VEPH1: variants seen among roughly 807,000 people sequenced by gnomAD.
The protein encoded by VEPH1 is ventricular zone expressed PH domain containing 1.
VEPH1 carries 80 observed loss-of-function variants against 85.2 expected under a neutral mutation model. The observed-to-expected ratio is 0.94, with a 90% CI of 0.78 to 1.13. The LOEUF is 1.13. Ranked by LOEUF, VEPH1 falls within the 50% of genes most tolerant of loss-of-function variation. The pLI, the probability that VEPH1 is intolerant of heterozygous loss-of-function variation, is 0.00. For synonymous variants in VEPH1, 297 were observed against 348.0 expected, an observed-to-expected ratio of 0.85 and a Z score of 1.63; for missense variants, 955 against 980.5, an observed-to-expected ratio of 0.97 and a Z score of 0.35.
intron 2 of VEPH1, among the ~76,000 whole-genome samples, chr3:157,480,725 T>C (rs573178818): frequency 1.3e-5 from 2 of 152,300 alleles, no homozygotes; most frequent in East Asian, 3.9e-4. Flanking sequence ...TGATTCCATG[T>C]CTTTGCTATT....
chr3:157,473,019 AT>A (rs1188680835), intron 2 of VEPH1, among the ~76,000 whole-genome samples: 1 of 122,252 alleles, frequency 8.2e-6, no homozygotes, highest in Non-Finnish European at 1.8e-5. Flanking sequence ...TTAACAAAAT[AT>A]TTTTTCTCAT....
At chr3:157,301,883 C>G (rs973930120) in intron 11 of VEPH1, among the ~76,000 whole-genome samples, 2 of 152,124 alleles carry the variant, frequency 1.3e-5, no homozygotes, top group African/African-American at 4.8e-5. Flanking sequence ...ATCTATATTC[C>G]TGGCCTAAGT....
At chr3:157,489,785 C>G (rs1306140753) in intron 2 of VEPH1, among the ~76,000 whole-genome samples, 4 of 151,462 alleles carry the variant, frequency 2.6e-5, no homozygotes, top group African/African-American at 7.3e-5. Flanking sequence ...TAGTAGACAA[C>G]TAATAAATAT....
chr3:157,494,119 A>G (rs1349385703), intron 2 of VEPH1, among the ~76,000 whole-genome samples: 2 of 152,196 alleles, frequency 1.3e-5, no homozygotes, highest in Admixed American at 1.3e-4. Flanking sequence ...TTGAGCAGTG[A>G]CTTCATTGGT....
Position 157,322,113 on chromosome 3 carries a change from T to C in VEPH1, c.1736-4912A>G, listed in dbSNP as rs1165801728. Among the ~76,000 whole-genome samples the C allele has an allele frequency of 2.0e-5, 3 of 152,134 alleles. No homozygotes were observed. The East Asian group carries it at 5.8e-4, about 29-fold the overall frequency. ...ATACCCATTAAACCGTAACTCCCCA[T>C]CTTCCTCTCCCCTGAGCCCCTGGCA... On this transcript the variant is annotated intron_variant, in intron 9 of 13. Transcript: ENST00000362010.
chr3:157,379,916 T>G (rs1362511517), intron 7 of VEPH1, among the ~76,000 whole-genome samples: 1 of 152,210 alleles, frequency 6.6e-6, no homozygotes, highest in Non-Finnish European at 1.5e-5. Context: ...CATCTGCCCT[T>G]CTTGCCTTGT....
chr3:157,431,840 A>G (rs1733183354), intron 4 of VEPH1, among the ~76,000 whole-genome samples: 2 of 149,688 alleles, frequency 1.3e-5, no homozygotes, highest in Non-Finnish European at 3.0e-5. Context: ...CAAATTATAT[A>G]TATACATATA....
rs1020979574 is a variant in VEPH1, at chr3:157,356,479, G to T, written c.1735+6885C>A. Among the ~76,000 whole-genome samples, 8 of 152,120 alleles carry T rather than the reference G, an allele frequency of 5.3e-5. No individual in the cohort carries two copies. The South Asian group carries it at 1.5e-3, about 28-fold the overall frequency. On this transcript the variant is annotated intron_variant, in intron 9 of 13. Transcript: ENST00000362010. ...ACTCTCAATTGCTAACTATGTAATT[G>T]CCTATGATTTTGGAAAAATATTTAA...
rs1411245971 is a variant in VEPH1, at chr3:157,465,547, C to T, written c.354+4767G>A. Reference sequence around the variant, plus strand: ...GATTAATTTTCCCAAGACCACACTACAGGTACAGAGCAGAGCTGGGATTGC... The same window carrying T: ...GATTAATTTTCCCAAGACCACACTATAGGTACAGAGCAGAGCTGGGATTGC... On this transcript the variant is annotated intron_variant, in intron 3 of 13. Transcript: ENST00000362010. Among the ~76,000 whole-genome samples the T allele has an allele frequency of 2.0e-5, 3 of 152,186 alleles. No homozygotes were observed. The East Asian group carries it at 5.8e-4, about 29-fold the overall frequency.
At chr3:157,437,757 C>T in intron 4 of VEPH1, 1 of 1,487,678 alleles carries the variant, frequency 6.7e-7, no homozygotes, top group Non-Finnish European at 8.9e-7. Context: ...AGGCGACCCG[C>T]GACGCGGGCC....
rs534793439 is a variant in VEPH1 at position 157,329,382 on chromosome 3, C to T, written c.1736-12181G>A. Among the ~76,000 whole-genome samples, 5 of 152,272 alleles carry T rather than the reference C, an allele frequency of 3.3e-5. No homozygotes were observed. The East Asian group carries it at 9.6e-4, about 29-fold the overall frequency. On this transcript the variant is annotated intron_variant, in intron 9 of 13. Coordinates refer to ENST00000362010, the MANE Select transcript of VEPH1 (RefSeq NM_001167912.2). ...AGAACAACTCAAGGAAATAAATTGC[C>T]TCTGTCAGGTTAGCCATGGAAACCA...
At chr3:157,455,394 T>C (rs1735288133) in intron 4 of VEPH1, among the ~76,000 whole-genome samples, 4 of 151,560 alleles carry the variant, frequency 2.6e-5, no homozygotes, top group Admixed American at 2.0e-4. Flanking sequence ...TCATGTCTTC[T>C]TTTGAGAAGT....
rs1265694163 is a variant in VEPH1 at position 157,260,897 on chromosome 3, T to C, written c.*237A>G. On this transcript the variant is annotated 3_prime_UTR_variant, in exon 14 of 14. Coordinates refer to ENST00000362010, the MANE Select transcript of VEPH1 (RefSeq NM_001167912.2). ...CTGAGGGCATACTCTGTAGCTCCTT[T>C]TATTTTATTTTATTTTTGTGGGCAT... 1.1e-5 allele frequency: 2 copies of C among 187,908 alleles called. No individual in the cohort carries two copies. Among genetic ancestry groups the C allele is most frequent in the Non-Finnish European group, 8.3e-6 (1 of 121,158 alleles). 11.6% of individuals were successfully genotyped at this position (187,908 alleles called of 1,614,324 possible).
At position 157,366,653 on chromosome 3, in the gene VEPH1, T is replaced by C. The variant is rs1348582566; in HGVS notation, c.1128-2141A>G. ...GGGAGGCTGAGGCGGGAGAATCAAT[T>C]GAACCTGGGAGGCAGAGGTTGCAGT... On this transcript the variant is annotated intron_variant, in intron 7 of 13. Transcript: ENST00000362010. Among the ~76,000 whole-genome samples, 6 of 152,158 alleles carry C rather than the reference T, an allele frequency of 3.9e-5. No individual in the cohort carries two copies. In the East Asian group the frequency reaches 9.7e-4, roughly 25 times the overall value.
chr3:157,283,959 C>A (rs1052697807), intron 12 of VEPH1, among the ~76,000 whole-genome samples: 2 of 152,192 alleles, frequency 1.3e-5, no homozygotes, highest in Non-Finnish European at 2.9e-5. Context: ...TGATGAAACC[C>A]AGACCAGTAC....
chr3:157,355,656 C>G (rs1446074657), intron 9 of VEPH1, among the ~76,000 whole-genome samples: 3 of 152,200 alleles, frequency 2.0e-5, no homozygotes, highest in Non-Finnish European at 2.9e-5. Context: ...AACATCTAAA[C>G]TGAAGTGATC....
chr3:157,495,399 G>A lies in VEPH1; in HGVS notation c.-50C>T. On this transcript the variant is annotated 5_prime_UTR_variant, in exon 2 of 14. Coordinates refer to ENST00000362010, the MANE Select transcript of VEPH1 (RefSeq NM_001167912.2). ...ACTTTCTACAGACCCAGAGTCATGT[G>A]TTCCAGTTATCAGAGGTCAGTAAGA... 1 of 1,601,688 alleles carries A rather than the reference G, an allele frequency of 6.2e-7. No individual in the cohort carries two copies. The highest frequency in any genetic ancestry group is 8.5e-7 in the Non-Finnish European group (1 of 1,174,266).
chr3:157,458,821 T>G (rs898292360), intron 4 of VEPH1, among the ~76,000 whole-genome samples: 8 of 152,192 alleles, frequency 5.3e-5, no homozygotes, highest in African/African-American at 1.9e-4. Context: ...GTTGTCCAGT[T>G]TTATTCCTCT....
intron 2 of VEPH1, among the ~76,000 whole-genome samples, chr3:157,478,599 A>G (rs1339599830): frequency 6.6e-6 from 1 of 152,200 alleles, no homozygotes; most frequent in African/African-American, 2.4e-5. Context: ...CTCAGTCTCC[A>G]TGCTAAGAAA....
Sources: gnomAD v4.1 joint callset for allele counts (sites outside exome capture counted in the v4.1 genomes callset) on GRCh38, gnomAD v4.1.1 for gene constraint, MANE v1.5 for transcripts, NCBI Gene and HGNC (gene_info 2026-07-23, HGNC 2026-07-21) for gene names.